The following OTUD7A variants were observed in gnomAD, a reference collection of about 807,000 sequenced individuals.
The protein encoded by OTUD7A is OTU deubiquitinase 7A.
Under a neutral mutation model 65.7 loss-of-function variants are expected in OTUD7A, and 12 were observed. The ratio of observed to expected loss-of-function variants is 0.18; its 90% CI spans 0.12 to 0.30. OTUD7A has a LOEUF of 0.30. Among genes scored for constraint, OTUD7A ranks in the 10% least tolerant of loss-of-function variants. The pLI is 1.00. For synonymous variants in OTUD7A, 641 were observed against 586.3 expected (o/e 1.09, Z -1.35); for missense variants, 1,148 against 1,304.8 (o/e 0.88, Z 1.85).
chr15:31,806,258 A>T (rs1009382528), intron 1 of OTUD7A, among the ~76,000 whole-genome samples: 2 of 152,214 alleles, frequency 1.3e-5, no homozygotes, highest in African/African-American at 2.4e-5. Flanking sequence ...TCATCTTGCA[A>T]TAATTGGTGC....
At chr15:31,767,877 G>A in intron 1 of OTUD7A, 1 of 1,317,252 alleles carries the variant, frequency 7.6e-7, no homozygotes. Context: ...AGAGTTTTAA[G>A]TGGCAACGTT....
intron 3 of OTUD7A, among the ~76,000 whole-genome samples, chr15:31,648,970 A>C (rs1891757142): frequency 6.6e-6 from 1 of 152,178 alleles, no homozygotes; most frequent in African/African-American, 2.4e-5. Context: ...CATGTTAGCC[A>C]GGCTGGTCTC....
At chr15:31,518,054 T>C (rs1007095995) in intron 8 of OTUD7A, among the ~76,000 whole-genome samples, 33 of 152,276 alleles carry the variant, frequency 2.2e-4, no homozygotes, top group African/African-American at 6.7e-4. Context: ...GAAAGTCCTG[T>C]TCACACATCC....
At chr15:31,756,152 T>C (rs1003000248) in intron 1 of OTUD7A, among the ~76,000 whole-genome samples, 1 of 152,228 alleles carries the variant, frequency 6.6e-6, no homozygotes, top group African/African-American at 2.4e-5. Flanking sequence ...TGCTTTCAAC[T>C]TCCACACCTC....
chr15:31,527,157 C>G (rs776244697), intron 7 of OTUD7A, 24 bp downstream of exon 7: 14 of 1,613,690 alleles, frequency 8.7e-6, no homozygotes, highest in Middle Eastern at 1.7e-4. Context: ...GTCCCGGGCT[C>G]TGGCCATGCC....
chr15:31,736,545 G>A (rs1362040925), intron 1 of OTUD7A, among the ~76,000 whole-genome samples: 1 of 152,050 alleles, frequency 6.6e-6, no homozygotes, highest in Non-Finnish European at 1.5e-5. Flanking sequence ...AGAATGACAG[G>A]GAGGGAGTGT....
intron 1 of OTUD7A, among the ~76,000 whole-genome samples, 152 bp downstream of exon 1, chr15:31,870,334 CCCCCGCGTCCCCGCGCCCCGG>C (rs1202139524): frequency 2.0e-5 from 3 of 146,426 alleles, no homozygotes; most frequent in Admixed American, 1.4e-4. Flanking sequence ...GGGCCCGCGC[CCCCCGCGTCCCCGCGCCCCGG>C]CCCCGCGGTC....
intron 1 of OTUD7A, among the ~76,000 whole-genome samples, chr15:31,759,622 C>G (rs1894907101): frequency 6.6e-6 from 1 of 152,194 alleles, no homozygotes; most frequent in East Asian, 1.9e-4. Flanking sequence ...CCACCTCTGC[C>G]TCCCGGGTTC....
chr15:31,505,080 C>T (rs1224009242), intron 8 of OTUD7A, among the ~76,000 whole-genome samples: 1 of 151,986 alleles, frequency 6.6e-6, no homozygotes, highest in Non-Finnish European at 1.5e-5. Context: ...TACTTGCTCG[C>T]AGTTTTGTTA....
intron 3 of OTUD7A, among the ~76,000 whole-genome samples, chr15:31,579,497 C>A (rs1889306274): frequency 6.6e-6 from 1 of 152,122 alleles, no homozygotes; most frequent in African/African-American, 2.4e-5. Context: ...GTGACATGTT[C>A]AGCCTGGACC....
chr15:31,738,534 T>C (rs1317646729), intron 1 of OTUD7A, among the ~76,000 whole-genome samples: 1 of 152,186 alleles, frequency 6.6e-6, no homozygotes, highest in Non-Finnish European at 1.5e-5. Flanking sequence ...TGATAGAGCA[T>C]GACAGTGATC....
At chr15:31,772,022 G>A (rs1895248340) in intron 1 of OTUD7A, among the ~76,000 whole-genome samples, 1 of 152,040 alleles carries the variant, frequency 6.6e-6, no homozygotes, top group Non-Finnish European at 1.5e-5. Flanking sequence ...GGAGGCCGAG[G>A]CGGGCGGATC....
chr15:31,803,001 T>A (rs1896176444), intron 1 of OTUD7A, among the ~76,000 whole-genome samples: 1 of 152,200 alleles, frequency 6.6e-6, no homozygotes, highest in Non-Finnish European at 1.5e-5. Flanking sequence ...CTAAGTGACC[T>A]TTTGGCTGAG....
At chr15:31,492,365 G>A (rs1409120352) in intron 10 of OTUD7A, among the ~76,000 whole-genome samples, 5 of 152,172 alleles carry the variant, frequency 3.3e-5, no homozygotes, top group African/African-American at 9.7e-5. Flanking sequence ...GATCACTTGA[G>A]GTCAGGAGTT....
intron 1 of OTUD7A, among the ~76,000 whole-genome samples, chr15:31,761,096 C>T (rs1894950311): frequency 6.6e-6 from 1 of 152,018 alleles, no homozygotes; most frequent in Non-Finnish European, 1.5e-5. Flanking sequence ...GAAAACATAG[C>T]AGTAAATCTT....
Position 31,767,134 on chromosome 15 carries a change from G to A in OTUD7A, c.-100+103373C>T, listed in dbSNP as rs185998123. 2.0e-3 allele frequency: 3,019 copies of A among 1,486,642 alleles called. 4 individuals carry two copies. Among genetic ancestry groups the A allele is most frequent in the South Asian group, 3.5e-3 (293 of 83,988 alleles). The allele number at this position is 1,486,642 out of a possible 1,614,324, so 92.1% of individuals were successfully genotyped here. A position where few individuals can be genotyped will look rare whatever the true frequency, so the allele number is the denominator to read the frequency against. On this transcript the variant is annotated intron_variant, in intron 1 of 12. Transcript: ENST00000307050. ...TTCTTCTTTATTTTTTTTTCTCTACGAAGCAGACTGAGAAGGCGGCACTCA... is the reference window on the plus strand; with the variant it reads ...TTCTTCTTTATTTTTTTTTCTCTACAAAGCAGACTGAGAAGGCGGCACTCA...
chr15:31,753,883 C>A (rs1438954466), intron 1 of OTUD7A, among the ~76,000 whole-genome samples: 8 of 151,544 alleles, frequency 5.3e-5, no homozygotes, highest in Admixed American at 5.3e-4. Flanking sequence ...AGATACCAAG[C>A]AGTGGGATTG....
At chr15:31,536,963 G>A (rs1365434393) in intron 5 of OTUD7A, among the ~76,000 whole-genome samples, 1 of 152,052 alleles carries the variant, frequency 6.6e-6, no homozygotes, top group East Asian at 1.9e-4. Flanking sequence ...TATTGTACTC[G>A]GGTGATGAAC....
chr15:31,663,457 C>G (rs1481707453), intron 1 of OTUD7A, among the ~76,000 whole-genome samples: 2 of 147,536 alleles, frequency 1.4e-5, no homozygotes, highest in Admixed American at 6.8e-5. Flanking sequence ...CCGACAGGCC[C>G]CAGGGTGTGT....
Sources: gnomAD v4.1 joint callset for allele counts (sites outside exome capture counted in the v4.1 genomes callset) on GRCh38, gnomAD v4.1.1 for gene constraint, MANE v1.5 for transcripts, NCBI Gene and HGNC (gene_info 2026-07-23, HGNC 2026-07-21) for gene names.